The following CORO2B variants were observed in gnomAD, a reference collection of about 807,000 sequenced individuals.
CORO2B encodes the protein coronin 2B, also known as coronin-2B.
In CORO2B, 26 loss-of-function variants were observed where a neutral mutation model predicts 58.8. The observed-to-expected ratio is 0.44, with a 90% CI of 0.32 to 0.61. The LOEUF (loss-of-function observed/expected upper bound fraction) is 0.61, where lower values mean the gene tolerates loss of function less well. Among genes scored for constraint, CORO2B ranks in the 20% least tolerant of loss-of-function variants. The pLI, the probability that CORO2B is intolerant of heterozygous loss-of-function variation, is 0.04. For synonymous variants in CORO2B, 242 were observed against 253.8 expected, an observed-to-expected ratio of 0.95 and a Z score of 0.44; for missense variants, 460 against 645.1, an observed-to-expected ratio of 0.71 and a Z score of 3.11.
At chr15:68,627,271 A>C (rs1900708842) in intron 1 of CORO2B, among the ~76,000 whole-genome samples, 1 of 152,220 alleles carries the variant, frequency 6.6e-6, no homozygotes, top group African/African-American at 2.4e-5. Context: ...AGAAATGACT[A>C]AGACATCATC....
chr15:68,603,364 A>T (rs1342186017), intron 1 of CORO2B, among the ~76,000 whole-genome samples: 5 of 152,206 alleles, frequency 3.3e-5, no homozygotes, highest in Non-Finnish European at 7.4e-5. Context: ...TTATTATCTT[A>T]AAAAAACACA....
intron 11 of CORO2B, among the ~76,000 whole-genome samples, chr15:68,722,537 AATG>A (rs1893186013): frequency 2.0e-5 from 3 of 152,194 alleles, no homozygotes; most frequent in Non-Finnish European, 4.4e-5. Flanking sequence ...GTAAGCTTAA[AATG>A]AGTGACTTTT....
chr15:68,574,353 G>C (rs1308563995), upstream of CORO2B, among the ~76,000 whole-genome samples: 1 of 152,132 alleles, frequency 6.6e-6, no homozygotes, highest in East Asian at 1.9e-4. Flanking sequence ...CCTCTTAGGG[G>C]CTCTACAGCT....
chr15:68,632,041 C>T (rs1900850540), intron 1 of CORO2B: 1 of 985,482 alleles, frequency 1.0e-6, no homozygotes, highest in Non-Finnish European at 1.2e-6. Context: ...GGGTGACTAG[C>T]AGCCAGGCCT....
At chr15:68,604,619 T>TA (rs58032591) in intron 1 of CORO2B, among the ~76,000 whole-genome samples, 10,872 of 145,602 alleles carry the variant, frequency 0.075, 1,249 homozygotes, top group African/African-American at 0.25. Flanking sequence ...AGTTGTGATT[T>TA]AAAAAAAAAA....
rs938753122 is a variant in CORO2B at position 68,723,740 on chromosome 15, C to T, written c.1312-2103C>T. On this transcript the variant is annotated intron_variant, in intron 11 of 11. Transcript: ENST00000261861. Reference sequence around the variant, plus strand: ...GTACTGGATTACAGGCGTGAGCCACCGTGCCCGGCCGATACCTTCTTTAAA... The same window carrying T: ...GTACTGGATTACAGGCGTGAGCCACTGTGCCCGGCCGATACCTTCTTTAAA... 5.9e-5 allele frequency among the ~76,000 whole-genome samples: 9 copies of T among 152,112 alleles called. No individual in the cohort carries two copies. The South Asian group carries it at 6.2e-4, about 11-fold the overall frequency.
At chr15:68,663,489 C>G (rs1902080459) in intron 2 of CORO2B, among the ~76,000 whole-genome samples, 1 of 152,166 alleles carries the variant, frequency 6.6e-6, no homozygotes, top group Admixed American at 6.5e-5. Context: ...CACGCGCACA[C>G]ACACGCAGAA....
intron 1 of CORO2B, among the ~76,000 whole-genome samples, chr15:68,618,127 C>T (rs567335809): frequency 1.3e-5 from 2 of 152,262 alleles, no homozygotes; most frequent in South Asian, 2.1e-4. Flanking sequence ...AATACACACA[C>T]ATGCATACAC....
chr15:68,520,594 A>C, the CORO2B span, among the ~76,000 whole-genome samples: 9 of 152,306 alleles, frequency 5.9e-5, no homozygotes, highest in African/African-American at 2.2e-4. Flanking sequence ...ATATTTTTCT[A>C]TCCGTTTACT....
chr15:68,638,396 G>C (rs1901103738), intron 1 of CORO2B, among the ~76,000 whole-genome samples: 1 of 152,220 alleles, frequency 6.6e-6, no homozygotes, highest in Admixed American at 6.5e-5. Flanking sequence ...TGTATCCAGT[G>C]AGCTGGATGA....
In CORO2B at chr15:68,719,119, C is replaced by T. The variant is rs757136123; in HGVS notation, c.1081-25C>T. 64 of 1,583,886 alleles carry T rather than the reference C, an allele frequency of 4.0e-5. No homozygotes were observed. The South Asian group carries it at 7.0e-4, about 17-fold the overall frequency. On this transcript the variant is annotated intron_variant, in intron 9 of 11. Transcript: ENST00000261861. ...CTTTCCCAGCAGCCCCCCATGTGTCCTCTCTTCTGCTCCTCCCACTGTAGT... is the reference window on the plus strand; with the variant it reads ...CTTTCCCAGCAGCCCCCCATGTGTCTTCTCTTCTGCTCCTCCCACTGTAGT...
intron 8 of CORO2B, 54 bp from the exon 9 acceptor site, chr15:68,718,644 T>C (rs1344807573): frequency 6.9e-7 from 1 of 1,447,210 alleles, no homozygotes; most frequent in Non-Finnish European, 9.7e-7. Context: ...TGGGGTGATG[T>C]CACTGAGACG....
At chr15:68,593,057 G>A (rs543301964) in intron 1 of CORO2B, among the ~76,000 whole-genome samples, 1 of 152,202 alleles carries the variant, frequency 6.6e-6, no homozygotes, top group African/African-American at 2.4e-5. Flanking sequence ...TCACGTCATA[G>A]TGAGTGTGTG....
chr15:68,670,101 T>G (rs1902338926), intron 2 of CORO2B, among the ~76,000 whole-genome samples: 1 of 152,020 alleles, frequency 6.6e-6, no homozygotes. Context: ...TTTAAAAATT[T>G]TTGAAAAATT....
intron 1 of CORO2B, among the ~76,000 whole-genome samples, chr15:68,594,893 C>A (rs778086487): frequency 6.6e-6 from 1 of 152,254 alleles, no homozygotes; most frequent in Non-Finnish European, 1.5e-5. Flanking sequence ...CTTGGTTCTA[C>A]TCTGGGCTTT....
At chr15:68,603,737 A>G (rs1244770852) in intron 1 of CORO2B, among the ~76,000 whole-genome samples, 1 of 152,184 alleles carries the variant, frequency 6.6e-6, no homozygotes, top group Non-Finnish European at 1.5e-5. Context: ...CCAGGAAGAG[A>G]GGCCTCACCA....
intron 1 of CORO2B, among the ~76,000 whole-genome samples, chr15:68,641,835 C>A (rs1361413486): frequency 6.6e-6 from 1 of 152,096 alleles, no homozygotes; most frequent in Non-Finnish European, 1.5e-5. Context: ...GCCATCCTCC[C>A]ACCTCAGCCT....
chr15:68,617,485 T>A (rs1253890824), intron 1 of CORO2B, among the ~76,000 whole-genome samples: 1 of 152,220 alleles, frequency 6.6e-6, no homozygotes, highest in Non-Finnish European at 1.5e-5. Context: ...ATACTGGACC[T>A]CCACATTCCC....
rs560939288 is a variant in CORO2B at position 68,616,867 on chromosome 15, C to G, written c.16-28293C>G. 2.6e-4 allele frequency among the ~76,000 whole-genome samples: 40 copies of G among 152,252 alleles called. No homozygotes were observed. The South Asian group carries it at 7.7e-3, about 29-fold the overall frequency. ...ATTCCAACTGCATGGATCTGAGAAGCCTTGCAGAATTGGAGTTTTGTTTTA... is the reference window on the plus strand; with the variant it reads ...ATTCCAACTGCATGGATCTGAGAAGGCTTGCAGAATTGGAGTTTTGTTTTA... On this transcript the variant is annotated intron_variant, in intron 1 of 11. Transcript: ENST00000261861.
Sources: allele counts gnomAD v4.1 joint callset (sites outside exome capture counted in the v4.1 genomes callset), GRCh38; gene constraint gnomAD v4.1.1; transcripts MANE v1.5; gene names NCBI Gene and HGNC (gene_info 2026-07-23, HGNC 2026-07-21).